Variants in RECK observed in about 807,000 individuals in gnomAD.
RECK encodes reversion-inducing cysteine-rich protein with Kazal motifs.
Under a neutral mutation model 115.1 loss-of-function variants are expected in RECK, and 69 were observed. The observed-to-expected ratio is 0.60, with a 90% CI of 0.49 to 0.73. The LOEUF (loss-of-function observed/expected upper bound fraction) is 0.73, where lower values mean the gene tolerates loss of function less well. RECK is among the 30% of genes least tolerant of loss of function. The probability of loss-of-function intolerance (pLI) is 0.00; values close to 1 mark genes in which losing one functional copy is unlikely to be tolerated. For synonymous variants in RECK, 414 were observed against 419.7 expected (o/e 0.99, Z 0.17); for missense variants, 1,047 against 1,203.7 (o/e 0.87, Z 1.93).
At chr9:36,087,182 AC>A (rs1564121679) in intron 8 of RECK, among the ~76,000 whole-genome samples, 3 of 152,156 alleles carry the variant, frequency 2.0e-5, no homozygotes, top group African/African-American at 4.8e-5. Flanking sequence ...GAAAAAAAAA[AC>A]ATGCACACAT....
intron 2 of RECK, among the ~76,000 whole-genome samples, 160 bp from the exon 3 acceptor site, chr9:36,058,659 TAATAAATA>T (rs542503883): frequency 0.013 from 1,818 of 144,716 alleles, 43 homozygotes; most frequent in African/African-American, 0.042. Context: ...TAATAATAAT[TAATAAATA>T]AATAAATAAA....
At chr9:36,121,723 A>T (rs760835454) in intron 20 of RECK, 35 bp downstream of exon 20, 49 of 1,606,200 alleles carry the variant, frequency 3.1e-5, no homozygotes, top group Non-Finnish European at 4.2e-5. Flanking sequence ...CCATCTTGTC[A>T]CTTTCAAGTT....
At chr9:36,038,021 A>G (rs7865846) in intron 1 of RECK, among the ~76,000 whole-genome samples, 5,329 of 149,542 alleles carry the variant, frequency 0.036, 338 homozygotes, top group African/African-American at 0.13. Flanking sequence ...AAAAAAAAAA[A>G]GCAAAGTCAG....
rs954382824 is a variant in RECK at position 36,094,123 on chromosome 9, T to C, written c.1085+2780T>C. Among the ~76,000 whole-genome samples, 4 of 152,072 alleles carry C rather than the reference T, an allele frequency of 2.6e-5. No individual in the cohort carries two copies. The highest frequency in any genetic ancestry group is 9.6e-5 in the African/African-American group (4 of 41,452). ...CTTCAGTCTGAAGGAAAATGCCACA[T>C]GAAAACTCAGACCTATAGAGCACTG... On this transcript the variant is annotated intron_variant, in intron 10 of 20. Transcript: ENST00000377966. The surrounding 1 kb of genome is among the most constrained non-coding windows in gnomAD (Gnocchi z 4.1).
At position 36,112,438 on chromosome 9, in the gene RECK, G is replaced by C; in HGVS notation, c.2022G>C (p.Lys674Asn). The change falls in exon 16 of 21, where the codon AAG (lysine) becomes AAC (asparagine). Residue 674 changes from lysine to asparagine, a missense_variant. Physicochemically the swap from Lys to Asn is moderately conservative, Grantham distance 94. Coordinates refer to ENST00000377966, the MANE Select transcript of RECK (RefSeq NM_021111.3). Reference sequence around the variant, plus strand: ...TTGAGTTTGGATCATGCATGTCAAAGGATCCATGTAATCCTAATCCCTGCC... The same window carrying C: ...TTGAGTTTGGATCATGCATGTCAAACGATCCATGTAATCCTAATCCCTGCC... ...HQFEFGSCMS[K>N]DPCNPNPCQK... 2 of 1,614,074 alleles carry C rather than the reference G, an allele frequency of 1.2e-6. No homozygotes were observed. Among genetic ancestry groups the C allele is most frequent in the Non-Finnish European group, 1.7e-6 (2 of 1,180,038 alleles).
intron 4 of RECK, among the ~76,000 whole-genome samples, chr9:36,063,541 G>C (rs1821866361): frequency 2.0e-5 from 3 of 152,154 alleles, no homozygotes; most frequent in African/African-American, 7.2e-5. Context: ...ATGACTTAAA[G>C]AGCATTTAGG....
At chr9:36,097,827 C>T (rs754823470) in intron 10 of RECK, among the ~76,000 whole-genome samples, 3 of 152,172 alleles carry the variant, frequency 2.0e-5, no homozygotes, top group Non-Finnish European at 2.9e-5. Context: ...GGTATATATA[C>T]ACTGTGGAAT....
chr9:36,100,513 A>T lies in RECK; in HGVS notation c.1268A>T (p.His423Leu), dbSNP rs772174243. Reference protein sequence around the residue: ...IACSLQIKPCHSKSRGSIICK... With the variant: ...IACSLQIKPCLSKSRGSIICK... Reference sequence around the variant, plus strand: ...TGTTCACTGCAGATTAAACCTTGTCATAGTAAATCTCGGGGAAGTATTATT... The same window carrying T: ...TGTTCACTGCAGATTAAACCTTGTCTTAGTAAATCTCGGGGAAGTATTATT... The change falls in exon 11 of 21, where the codon CAT becomes CTT. Residue 423 changes from histidine (H) to leucine (L), a missense_variant. Transcript: ENST00000377966. 11 of 1,614,056 alleles carry T rather than the reference A, an allele frequency of 6.8e-6. No homozygotes were observed. Among genetic ancestry groups the T allele is most frequent in the Middle Eastern group, 1.7e-4 (1 of 6,060 alleles).
At chr9:36,045,462 C>T (rs1821034584) in intron 1 of RECK, among the ~76,000 whole-genome samples, 1 of 151,680 alleles carries the variant, frequency 6.6e-6, no homozygotes, top group African/African-American at 2.4e-5. Flanking sequence ...TTTTTTTCTC[C>T]TGAAGTGTGT....
In RECK at chr9:36,096,617, TA is replaced by T. The variant is rs763457216; in HGVS notation, c.1086-3713del. Among the ~76,000 whole-genome samples, 12 of 152,100 alleles carry T rather than the reference TA, an allele frequency of 7.9e-5. 1 individual carries two copies. Among genetic ancestry groups the T allele is most frequent in the South Asian group, 6.2e-4 (3 of 4,832 alleles). On this transcript the variant is annotated intron_variant, in intron 10 of 20. Coordinates refer to ENST00000377966, the MANE Select transcript of RECK (RefSeq NM_021111.3). ...TAATACTAGAATAATTGAATATCTTTATGGAGGGGGAAAAAATGAACCTCAA... is the reference window on the plus strand; with the variant it reads ...TAATACTAGAATAATTGAATATCTTTTGGAGGGGGAAAAAATGAACCTCAA...
chr9:36,089,203 G>A (rs1006035941), intron 9 of RECK, among the ~76,000 whole-genome samples: 5 of 152,176 alleles, frequency 3.3e-5, no homozygotes, highest in African/African-American at 1.2e-4. Context: ...ATATTTATGG[G>A]AAGGATGCTG....
chr9:36,060,537 T>C (rs1465711912), intron 4 of RECK, among the ~76,000 whole-genome samples: 1 of 152,222 alleles, frequency 6.6e-6, no homozygotes, highest in Non-Finnish European at 1.5e-5. Context: ...TCTTGGTTCC[T>C]AGATCTTCGG....
chr9:36,083,113 G>A (rs1286945899), intron 7 of RECK, among the ~76,000 whole-genome samples: 1 of 152,172 alleles, frequency 6.6e-6, no homozygotes, highest in Non-Finnish European at 1.5e-5. Flanking sequence ...CTTGTGGGGT[G>A]TGATACTGTT....
chr9:36,080,731 C>T (rs1564117505), intron 7 of RECK, 93 bp downstream of exon 7: 18 of 1,121,626 alleles, frequency 1.6e-5, no homozygotes, highest in Non-Finnish European at 1.2e-5. Context: ...TAGGCTCTTT[C>T]CCATGGTGTA....
At position 36,073,804 on chromosome 9, in the gene RECK, G is replaced by C. The variant is rs371184279; in HGVS notation, c.406-6801G>C. On this transcript the variant is annotated intron_variant, in intron 6 of 20. Coordinates refer to ENST00000377966, the MANE Select transcript of RECK (RefSeq NM_021111.3). Reference sequence around the variant, plus strand: ...CCTGTTGTTTTATTTGTTAGTTGTAGTTGTACAAATTGTTTGTTCCACCTG... The same window carrying C: ...CCTGTTGTTTTATTTGTTAGTTGTACTTGTACAAATTGTTTGTTCCACCTG... Among the ~76,000 whole-genome samples the C allele has an allele frequency of 6.6e-5, 10 of 152,208 alleles. No homozygotes were observed. The East Asian group carries it at 1.7e-3, about 26-fold the overall frequency.
At chr9:36,070,476 T>C (rs911974615) in intron 6 of RECK, among the ~76,000 whole-genome samples, 3 of 151,160 alleles carry the variant, frequency 2.0e-5, no homozygotes, top group Non-Finnish European at 4.4e-5. Context: ...TAGAATCTTT[T>C]AGAATCTAAT....
At chr9:36,090,526 CAT>C (rs763704018) in intron 9 of RECK, among the ~76,000 whole-genome samples, 4 of 151,954 alleles carry the variant, frequency 2.6e-5, no homozygotes, top group Non-Finnish European at 4.4e-5. Flanking sequence ...AAATGAATAT[CAT>C]GTGTGAGAGC....
At position 36,108,088 on chromosome 9, in the gene RECK, T is replaced by C. The variant is rs900638475; in HGVS notation, c.1689T>C (p.Ser563=). 1.2e-6 allele frequency: 2 copies of C among 1,613,952 alleles called. No individual in the cohort carries two copies. Among genetic ancestry groups the C allele is most frequent in the Non-Finnish European group, 1.7e-6 (2 of 1,179,922 alleles). Residue 563 remains serine, a synonymous_variant, in exon 14 of 21, where the codon AGT becomes AGC. Coordinates refer to ENST00000377966, the MANE Select transcript of RECK (RefSeq NM_021111.3). ...ATAAAATCTGTTCATGTGGACAAAG[T>C]GGACTCTTAGAAAACTGTATGGAAA... is the stretch of plus-strand genomic sequence containing the variant. ...GCYKICSCGQ[S]GLLENCMEMH...
chr9:36,088,691 T>C (rs1418655573), intron 9 of RECK, among the ~76,000 whole-genome samples: 5 of 152,352 alleles, frequency 3.3e-5, no homozygotes, highest in South Asian at 2.1e-4. Context: ...CATCAGACTT[T>C]GGTAATTGTC....
Sources: allele counts gnomAD v4.1 joint callset (sites outside exome capture counted in the v4.1 genomes callset), GRCh38; gene constraint gnomAD v4.1.1; non-coding constraint Gnocchi (gnomAD v3.1); transcripts MANE v1.5; gene names NCBI Gene and HGNC (gene_info 2026-07-23, HGNC 2026-07-21).